The following ATP5F1A variants were observed in gnomAD, a reference collection of about 807,000 sequenced individuals.
ATP5F1A encodes the protein ATP synthase F(1) complex subunit alpha, mitochondrial.
Under a neutral mutation model 57.4 loss-of-function variants are expected in ATP5F1A, and 24 were observed. The observed-to-expected ratio is 0.42, with a 90% confidence interval of 0.30 to 0.59. The LOEUF (loss-of-function observed/expected upper bound fraction) is 0.59, where lower values mean the gene tolerates loss of function less well. Among genes scored for constraint, ATP5F1A ranks in the 20% least tolerant of loss-of-function variants. The pLI, the probability that ATP5F1A is intolerant of heterozygous loss-of-function variation, is 0.19. For missense variants in ATP5F1A, 494 were observed against 707.9 expected, an observed-to-expected ratio of 0.70 and a Z score of 3.43; for synonymous variants, 251 against 255.5, an observed-to-expected ratio of 0.98 and a Z score of 0.17.
chr18:46,095,686 G>A (rs189605657), intron 1 of ATP5F1A, among the ~76,000 whole-genome samples: 14 of 151,096 alleles, frequency 9.3e-5, no homozygotes, highest in African/African-American at 1.9e-4. Flanking sequence ...GCTCAATCAC[G>A]GCTCACTACA....
intron 3 of ATP5F1A, 90 bp from the exon 4 acceptor site, chr18:46,090,086 G>GT: frequency 1.2e-6 from 1 of 838,892 alleles, no homozygotes; most frequent in Non-Finnish European, 1.7e-6. Flanking sequence ...GTCGGGGGGT[G>GT]GGGGGGGAAG....
chr18:46,087,815 G>T, intron 6 of ATP5F1A: 1 of 444,690 alleles, frequency 2.2e-6, no homozygotes, highest in East Asian at 4.5e-5. Context: ...AGGAGGCAGA[G>T]GTTGCAGTGA....
intron 10 of ATP5F1A, chr18:46,085,849 C>T (rs1910046730): frequency 1.0e-5 from 4 of 399,962 alleles, no homozygotes; most frequent in East Asian, 4.6e-5. Context: ...AGGAGAATCG[C>T]GTGAATCCAG....
At chr18:46,092,617 T>TTATATATATATATATATATA (rs10524147) in intron 2 of ATP5F1A, among the ~76,000 whole-genome samples, 4 of 146,396 alleles carry the variant, frequency 2.7e-5, no homozygotes, top group African/African-American at 7.5e-5. Context: ...CACACAAAAA[T>TTATATATATATATATATATA]TATATATATA....
At chr18:46,085,985 T>C in intron 10 of ATP5F1A, 128 bp downstream of exon 10, 1 of 1,018,278 alleles carries the variant, frequency 9.8e-7, no homozygotes, top group East Asian at 2.7e-5. Context: ...TAAGTAAAAG[T>C]GCCTTTGATG....
chr18:46,102,613 C>T (rs1044782940), upstream of ATP5F1A, among the ~76,000 whole-genome samples: 17 of 152,146 alleles, frequency 1.1e-4, no homozygotes, highest in Non-Finnish European at 1.8e-4. Context: ...TGTGAGGCAC[C>T]GCATCCAGCC....
In ATP5F1A at chr18:46,086,938, T is replaced by C. The variant is rs1414376064; in HGVS notation, c.1176+70A>G. The C allele has an allele frequency of 2.8e-5, 42 of 1,489,166 alleles. No homozygotes were observed. In the East Asian group the frequency reaches 8.5e-4, roughly 30 times the overall value. 92.2% of individuals were successfully genotyped at this position (1,489,166 alleles called of 1,614,324 possible). ...ATTTAGCAAATCAGTCAATATACCA[T>C]TAGTCTCAACCAATGCCTTAGAATT... On this transcript the variant is annotated intron_variant, in intron 8 of 11. Transcript: ENST00000398752.
intron 8 of ATP5F1A, 63 bp downstream of exon 8, chr18:46,086,945 C>A: frequency 6.6e-7 from 1 of 1,526,532 alleles, no homozygotes; most frequent in Non-Finnish European, 9.0e-7. Flanking sequence ...CCATTAGTCT[C>A]AACCAATGCC....
chr18:46,093,613 C>T (rs1380428198), intron 2 of ATP5F1A, among the ~76,000 whole-genome samples: 1 of 152,086 alleles, frequency 6.6e-6, no homozygotes, highest in Admixed American at 6.6e-5. Context: ...CCCCTGGGGT[C>T]AGGGCTTTGA....
chr18:46,098,389 AC>A, upstream of ATP5F1A: 1 of 1,069,110 alleles, frequency 9.4e-7, no homozygotes, highest in South Asian at 2.0e-5. Flanking sequence ...CCCCGCCGCC[AC>A]TCTGCATTTT....
At chr18:46,085,372 C>T (rs28694780) in intron 10 of ATP5F1A, 57,993 of 150,444 alleles carry the variant, frequency 0.39, 11,431 homozygotes, top group Middle Eastern at 0.53. Flanking sequence ...TGGTGGCTCA[C>T]GCCTATAATG....
At chr18:46,099,176 A>T (rs1316115096), upstream of ATP5F1A, 4 of 152,168 alleles carry the variant, frequency 2.6e-5, no homozygotes, top group Non-Finnish European at 5.9e-5. Context: ...CCAGAATCAG[A>T]AGTTTACACC....
chr18:46,102,166 T>G (rs1245536395), upstream of ATP5F1A, among the ~76,000 whole-genome samples: 2 of 139,278 alleles, frequency 1.4e-5, no homozygotes, highest in Non-Finnish European at 3.1e-5. Context: ...AGCACAAGAC[T>G]CCCTCTCAAA....
Position 46,083,087 on chromosome 18 carries a change from G to GT in ATP5F1A, c.*1194dup, listed in dbSNP as rs1461089344. On this transcript the variant is annotated 3_prime_UTR_variant, in exon 12 of 12. Coordinates refer to ENST00000398752, the MANE Select transcript of ATP5F1A (RefSeq NM_004046.6). ...AAATCAGTAAAAAAAATTTAATGCA[G>GT]TAAGAATGAGCAAAGGCTATGAAAA... 2.6e-5 allele frequency: 4 copies of GT among 151,632 alleles called. No individual in the cohort carries two copies. The highest frequency in any genetic ancestry group is 4.8e-5 in the African/African-American group (2 of 41,252). The allele number at this position is 151,632 out of a possible 1,614,324, so 9.4% of individuals were successfully genotyped here. A position where few individuals can be genotyped will look rare whatever the true frequency, so the allele number is the denominator to read the frequency against.
rs866406532 is a variant in ATP5F1A at position 46,086,413 on chromosome 18, C to T, written c.1258G>A (p.Ala420Thr). The T allele has an allele frequency of 3.7e-6, 6 of 1,614,084 alleles. No homozygotes were observed. The highest frequency in any genetic ancestry group is 2.2e-5 in the East Asian group (1 of 44,882). The change falls in exon 9 of 12, where the codon GCT becomes ACT. Residue 420 changes from alanine (A) to threonine (T), a missense_variant. Ala to Thr is a moderately conservative substitution (Grantham distance 58). This residue lies in a region of ATP5F1A where 127 missense variants were observed against 195.2 expected (regional missense o/e 0.65). Coordinates refer to ENST00000398752, the MANE Select transcript of ATP5F1A (RefSeq NM_004046.6). ...TGCTTCATAGCCCTGGTTTGGGCAG[C>T]GGATCCGACACGAGATACAGACAGA... Reference protein sequence around the residue: ...VGLSVSRVGSAAQTRAMKQVA... With the variant: ...VGLSVSRVGSTAQTRAMKQVA...
In ATP5F1A at chr18:46,087,328, T is replaced by C; in HGVS notation, c.951+13A>G. The C allele has an allele frequency of 6.2e-7, 1 of 1,612,624 alleles. No homozygotes were observed. ...TACAAATAAATGGATTCTAAAAATTTATTTCCTTTGACCTGTTTGGATAAG... is the reference window on the plus strand; with the variant it reads ...TACAAATAAATGGATTCTAAAAATTCATTTCCTTTGACCTGTTTGGATAAG... On this transcript the variant is annotated intron_variant, in intron 7 of 11. Transcript: ENST00000398752.
rs140950200 is a variant in ATP5F1A, at chr18:46,094,186, C to CACACACACAT, written c.139+866_139+867insATGTGTGTGT. On this transcript the variant is annotated intron_variant, in intron 2 of 11. Coordinates refer to ENST00000398752, the MANE Select transcript of ATP5F1A (RefSeq NM_004046.6). ...ACATACACACACACACACACACACA[C>CACACACACAT]ATATACACACACACTCTCACACACA... 4.0e-3 allele frequency among the ~76,000 whole-genome samples: 604 copies of CACACACACAT among 151,060 alleles called. 5 individuals are homozygous for CACACACACAT. The highest frequency in any genetic ancestry group is 0.013 in the East Asian group (65 of 5,062).
chr18:46,098,126 G>C (rs754411473), intron 1 of ATP5F1A, 46 bp downstream of exon 1: 2 of 1,572,688 alleles, frequency 1.3e-6, no homozygotes, highest in South Asian at 2.3e-5. Context: ...CCACCACCCT[G>C]CAGCCCCACC....
chr18:46,094,943 A>G, intron 2 of ATP5F1A, 110 bp downstream of exon 2: 2 of 1,376,492 alleles, frequency 1.5e-6, no homozygotes, highest in South Asian at 3.8e-5. Flanking sequence ...AGTCTATACA[A>G]ACTAGAGAAA....
Sources: allele counts gnomAD v4.1 joint callset (sites outside exome capture counted in the v4.1 genomes callset), GRCh38; gene constraint gnomAD v4.1.1; regional missense constraint gnomAD v4.1.1; transcripts MANE v1.5; gene names NCBI Gene and HGNC (gene_info 2026-07-23, HGNC 2026-07-21).